Variants in SHISA9 observed in about 807,000 individuals in gnomAD.
SHISA9 encodes the protein shisa family member 9.
SHISA9 carries 13 observed loss-of-function variants against 38.0 expected under a neutral mutation model. The ratio of observed to expected loss-of-function variants is 0.34; its 90% CI spans 0.22 to 0.54. The LOEUF is 0.54. SHISA9 is among the 20% of genes least tolerant of loss of function. The probability of loss-of-function intolerance (pLI) is 0.91; values close to 1 mark genes in which losing one functional copy is unlikely to be tolerated. For missense variants in SHISA9, 538 were observed against 575.8 expected, an observed-to-expected ratio of 0.93 and a Z score of 0.67; for synonymous variants, 275 against 242.0, an observed-to-expected ratio of 1.14 and a Z score of -1.27.
chr16:13,217,475 C>A (rs1382734051), intron 4 of SHISA9, among the ~76,000 whole-genome samples: 3 of 152,180 alleles, frequency 2.0e-5, no homozygotes, highest in Non-Finnish European at 4.4e-5. Flanking sequence ...GCATAGACTG[C>A]AGTGTAATCT....
intron 2 of SHISA9, among the ~76,000 whole-genome samples, chr16:13,097,750 C>T (rs1230799511): frequency 1.3e-5 from 2 of 152,062 alleles, no homozygotes; most frequent in East Asian, 3.9e-4. Context: ...AAGTGTCATT[C>T]CTATATAGAG....
chr16:12,908,723 A>C, intron 1 of SHISA9: 1 of 1,460,680 alleles, frequency 6.8e-7, no homozygotes, highest in Non-Finnish European at 9.0e-7. Flanking sequence ...AAGCTACCGT[A>C]AGATGAAGTC....
intron 2 of SHISA9, among the ~76,000 whole-genome samples, chr16:13,067,766 T>G (rs1223950473): frequency 2.6e-5 from 4 of 152,246 alleles, no homozygotes; most frequent in African/African-American, 9.6e-5. Context: ...GCACCTGCTG[T>G]GCCTGCTGCA....
At chr16:13,347,302 C>G in the SHISA9 span, among the ~76,000 whole-genome samples, 2 of 152,114 alleles carry the variant, frequency 1.3e-5, no homozygotes, top group African/African-American at 4.8e-5. Context: ...AGATGAGGAT[C>G]CTGGGGTCAT....
chr16:13,001,633 C>T (rs573080049), intron 2 of SHISA9, among the ~76,000 whole-genome samples: 5 of 152,260 alleles, frequency 3.3e-5, no homozygotes, highest in African/African-American at 1.2e-4. Flanking sequence ...TCTTGATATG[C>T]AATGTTATAC....
At chr16:13,169,154 T>C (rs2050663769) in intron 2 of SHISA9, among the ~76,000 whole-genome samples, 1 of 152,204 alleles carries the variant, frequency 6.6e-6, no homozygotes, top group South Asian at 2.1e-4. Flanking sequence ...TCCTTTGTCT[T>C]ACAGTTGTCA....
At chr16:13,536,183 G>T in the SHISA9 span, among the ~76,000 whole-genome samples, 4 of 152,076 alleles carry the variant, frequency 2.6e-5, no homozygotes, top group East Asian at 7.7e-4. Context: ...ATTTTTAGTA[G>T]AGATGGGGTT....
intron 4 of SHISA9, among the ~76,000 whole-genome samples, chr16:13,233,772 A>C (rs1056840313): frequency 2.6e-5 from 4 of 152,206 alleles, no homozygotes; most frequent in African/African-American, 4.8e-5. Context: ...GCACTTTGGG[A>C]GGCCAAGGTG....
At chr16:12,915,117 T>A (rs376258843) in intron 1 of SHISA9, among the ~76,000 whole-genome samples, 2 of 152,280 alleles carry the variant, frequency 1.3e-5, no homozygotes, top group East Asian at 3.9e-4. Context: ...ATTCTACTTG[T>A]GGGTTTGCAC....
the SHISA9 span, among the ~76,000 whole-genome samples, chr16:13,557,579 A>T: frequency 6.6e-6 from 1 of 152,124 alleles, no homozygotes; most frequent in Non-Finnish European, 1.5e-5. Flanking sequence ...CCCTGATGGG[A>T]GCAGAATCTC....
In SHISA9 at chr16:13,151,949, T is replaced by C. The variant is rs538113847; in HGVS notation, c.692-51445T>C. Among the ~76,000 whole-genome samples, 7 of 152,330 alleles carry C rather than the reference T, an allele frequency of 4.6e-5. No homozygotes were observed. The South Asian group carries it at 1.5e-3, about 32-fold the overall frequency. ...TTCTGGCACATAGTAGGTGTTATCA[T>C]TTGTTTTCAATGAATGAATGGACAG... On this transcript the variant is annotated intron_variant, in intron 2 of 4. Transcript: ENST00000558583.
the SHISA9 span, among the ~76,000 whole-genome samples, chr16:13,492,393 T>A: frequency 1.3e-5 from 2 of 152,202 alleles, no homozygotes; most frequent in African/African-American, 4.8e-5. Flanking sequence ...TAATCCTTTT[T>A]ACTTCAGAAT....
At chr16:13,437,630 A>T in the SHISA9 span, among the ~76,000 whole-genome samples, 12 of 152,084 alleles carry the variant, frequency 7.9e-5, no homozygotes, top group Non-Finnish European at 1.8e-4. Flanking sequence ...TACTGAGAAG[A>T]TCCTGATAGC....
At chr16:12,994,358 C>G (rs568103487) in intron 2 of SHISA9, among the ~76,000 whole-genome samples, 1 of 152,190 alleles carries the variant, frequency 6.6e-6, no homozygotes, top group Non-Finnish European at 1.5e-5. Context: ...AATGTCTCCT[C>G]TCCTTTGAAA....
At chr16:13,546,999 T>G in the SHISA9 span, among the ~76,000 whole-genome samples, 3 of 152,198 alleles carry the variant, frequency 2.0e-5, no homozygotes, top group South Asian at 6.2e-4. Context: ...GGGCCAACAT[T>G]CATCTCTTCT....
At chr16:13,299,605 G>T in the SHISA9 span, among the ~76,000 whole-genome samples, 12 of 151,742 alleles carry the variant, frequency 7.9e-5, no homozygotes, top group African/African-American at 2.9e-4. Context: ...TCCCAGCTAC[G>T]TGGGAGGCTG....
At chr16:13,348,407 T>C in the SHISA9 span, among the ~76,000 whole-genome samples, 2 of 152,028 alleles carry the variant, frequency 1.3e-5, no homozygotes, top group Admixed American at 1.3e-4. Flanking sequence ...TCACATACTT[T>C]TACATGTCAG....
intron 2 of SHISA9, among the ~76,000 whole-genome samples, chr16:13,203,003 C>T (rs559044908): frequency 6.6e-6 from 1 of 152,312 alleles, no homozygotes; most frequent in South Asian, 2.1e-4. Context: ...CCTTTAACAT[C>T]TGCCAATCTG....
intron 2 of SHISA9, among the ~76,000 whole-genome samples, chr16:13,059,092 A>G (rs1332460770): frequency 7.5e-6 from 1 of 132,700 alleles, no homozygotes; most frequent in Non-Finnish European, 1.7e-5. Context: ...ATTATTTGAT[A>G]TTATTCTTTG....
Sources: gnomAD v4.1 joint callset for allele counts (sites outside exome capture counted in the v4.1 genomes callset) on GRCh38, gnomAD v4.1.1 for gene constraint, MANE v1.5 for transcripts, NCBI Gene and HGNC (gene_info 2026-07-23, HGNC 2026-07-21) for gene names.